Variants in PTPRD observed in about 807,000 individuals in gnomAD.
The protein encoded by PTPRD is protein tyrosine phosphatase receptor type D, also known as receptor-type tyrosine-protein phosphatase delta.
PTPRD carries 34 observed loss-of-function variants against 214.5 expected under a neutral mutation model. The observed-to-expected ratio is 0.16, with a 90% CI of 0.12 to 0.21. PTPRD has a LOEUF of 0.21. Among genes scored for constraint, PTPRD ranks in the 10% least tolerant of loss-of-function variants. The pLI is 1.00. For synonymous variants in PTPRD, 1,128 were observed against 845.7 expected (o/e 1.33, Z -5.79); for missense variants, 2,545 against 2,398.7 (o/e 1.06, Z -1.27).
At chr9:8,962,505 G>C (rs1035687827) in intron 11 of PTPRD, among the ~76,000 whole-genome samples, 4 of 151,042 alleles carry the variant, frequency 2.6e-5, no homozygotes, top group Non-Finnish European at 5.9e-5. Context: ...ACATGGGGGA[G>C]GGAATAAAAA....
At chr9:9,269,648 G>T (rs971490543) in intron 9 of PTPRD, among the ~76,000 whole-genome samples, 8 of 151,300 alleles carry the variant, frequency 5.3e-5, no homozygotes, top group African/African-American at 1.9e-4. Context: ...CGGTGTGTAT[G>T]TGTGTGTATG....
In PTPRD at chr9:9,687,332, T is replaced by C. The variant is rs1241256255; in HGVS notation, c.-287+47201A>G. On this transcript the variant is annotated intron_variant, in intron 7 of 45. Coordinates refer to ENST00000381196, the MANE Select transcript of PTPRD (RefSeq NM_002839.4). ...ACACAGGTGGGAGAAATATCTTGCTTAGATGACAAGATAAGTGGAGCTCCC... is the reference window on the plus strand; with the variant it reads ...ACACAGGTGGGAGAAATATCTTGCTCAGATGACAAGATAAGTGGAGCTCCC... Among the ~76,000 whole-genome samples the C allele has an allele frequency of 2.6e-5, 4 of 151,766 alleles. No homozygotes were observed. The East Asian group carries it at 5.8e-4, about 22-fold the overall frequency.
chr9:8,839,439 C>T (rs1460187768), intron 11 of PTPRD, among the ~76,000 whole-genome samples: 2 of 152,146 alleles, frequency 1.3e-5, no homozygotes, highest in Non-Finnish European at 2.9e-5. Flanking sequence ...ATTCTCCTGC[C>T]TCAGCCACCC....
intron 7 of PTPRD, among the ~76,000 whole-genome samples, chr9:9,639,708 G>A (rs1053469712): frequency 1.3e-4 from 20 of 152,070 alleles, no homozygotes; most frequent in Non-Finnish European, 2.2e-4. Flanking sequence ...ATCTGGTATC[G>A]TTGATACACA....
intron 10 of PTPRD, among the ~76,000 whole-genome samples, chr9:9,022,650 G>A (rs1033928380): frequency 2.0e-5 from 3 of 152,080 alleles, no homozygotes; most frequent in South Asian, 2.1e-4. Context: ...TTCTCAGAAC[G>A]TATTCTTGTT....
At chr9:9,179,500 A>G (rs1407457257) in intron 10 of PTPRD, among the ~76,000 whole-genome samples, 1 of 152,146 alleles carries the variant, frequency 6.6e-6, no homozygotes, top group Non-Finnish European at 1.5e-5. Context: ...AATGCTACGA[A>G]CCACTAGCTG....
chr9:9,150,424 T>C (rs1324397649), intron 10 of PTPRD, among the ~76,000 whole-genome samples: 4 of 147,548 alleles, frequency 2.7e-5, no homozygotes, highest in African/African-American at 9.8e-5. Context: ...TAAAAATACA[T>C]AATATATTAT....
intron 11 of PTPRD, among the ~76,000 whole-genome samples, chr9:8,823,348 T>C (rs1271711801): frequency 6.6e-6 from 1 of 152,180 alleles, no homozygotes; most frequent in Non-Finnish European, 1.5e-5. Flanking sequence ...TCAACAGCAA[T>C]TGTACCTTTG....
At chr9:10,379,743 C>G (rs2097786137) in intron 2 of PTPRD, among the ~76,000 whole-genome samples, 1 of 151,962 alleles carries the variant, frequency 6.6e-6, no homozygotes, top group East Asian at 1.9e-4. Context: ...GTCTTTCTAA[C>G]TTATTTATGA....
chr9:9,091,005 T>TA (rs1465454334), intron 10 of PTPRD: 1 of 1,571,934 alleles, frequency 6.4e-7, no homozygotes, highest in African/African-American at 1.3e-5. Flanking sequence ...ACAAGGCCAT[T>TA]AAGAAATTCG....
At chr9:10,219,588 C>T (rs549718781) in intron 3 of PTPRD, among the ~76,000 whole-genome samples, 175 of 151,928 alleles carry the variant, frequency 1.2e-3, no homozygotes, top group African/African-American at 3.9e-3. Context: ...ATTTGGATAG[C>T]AAAGCTTTTG....
chr9:8,385,038 G>A (rs1564446973), intron 37 of PTPRD, among the ~76,000 whole-genome samples: 3 of 152,170 alleles, frequency 2.0e-5, no homozygotes, highest in Non-Finnish European at 4.4e-5. Flanking sequence ...TAAGTCCTAA[G>A]TCATAGTTCA....
intron 8 of PTPRD, among the ~76,000 whole-genome samples, chr9:9,492,663 A>G (rs1174841684): frequency 6.6e-6 from 1 of 152,006 alleles, no homozygotes; most frequent in Non-Finnish European, 1.5e-5. Context: ...CAACATAATA[A>G]AAGTCACGTA....
chr9:10,465,323 C>T (rs920334120), intron 2 of PTPRD, among the ~76,000 whole-genome samples: 5 of 151,908 alleles, frequency 3.3e-5, no homozygotes, highest in African/African-American at 1.2e-4. Context: ...AGATAACTCC[C>T]CTGCGCAAAA....
At chr9:10,225,265 C>T (rs1594733126) in intron 3 of PTPRD, among the ~76,000 whole-genome samples, 1 of 151,780 alleles carries the variant, frequency 6.6e-6, no homozygotes, top group Admixed American at 6.6e-5. Context: ...CTTATGGTTA[C>T]TATAATCACA....
chr9:9,989,963 C>T lies in PTPRD; in HGVS notation c.-472+43755G>A, dbSNP rs116030458. Among the ~76,000 whole-genome samples the T allele has an allele frequency of 8.3e-3, 1,258 of 152,294 alleles. 9 individuals are homozygous for T. The highest frequency in any genetic ancestry group is 0.028 in the African/African-American group (1,159 of 41,574). On this transcript the variant is annotated intron_variant, in intron 4 of 45. Transcript: ENST00000381196. The stretch of plus-strand genomic sequence containing the variant: ...AAGCAAGCCACCCCTTCACAAGTCC[C>T]GCAAAGGGGTCAAGGGGACTATCCC...
rs564159822 is a variant in PTPRD, at chr9:8,475,612, G to C, written c.3414-4527C>G. On this transcript the variant is annotated intron_variant, in intron 30 of 45. Coordinates refer to ENST00000381196, the MANE Select transcript of PTPRD (RefSeq NM_002839.4). ...TACAAAAGTACCCCCAATTTACTGT[G>C]GTTAAAATAAAAGAAATAATATGCC... Among the ~76,000 whole-genome samples, 6 of 152,242 alleles carry C rather than the reference G, an allele frequency of 3.9e-5. No individual in the cohort carries two copies. In the South Asian group the frequency reaches 1.2e-3, roughly 32 times the overall value.
intron 3 of PTPRD, among the ~76,000 whole-genome samples, chr9:10,074,614 C>T (rs2098099975): frequency 6.6e-6 from 1 of 152,124 alleles, no homozygotes; most frequent in African/African-American, 2.4e-5. Context: ...TCTGATCCCA[C>T]TAAAGCCCAT....
At chr9:9,742,515 G>A (rs376441263) in intron 6 of PTPRD, among the ~76,000 whole-genome samples, 1 of 152,040 alleles carries the variant, frequency 6.6e-6, no homozygotes, top group African/African-American at 2.4e-5. Context: ...AGGAAGAAAA[G>A]GGTACTATTC....
Sources: gnomAD v4.1 joint callset for allele counts (sites outside exome capture counted in the v4.1 genomes callset) on GRCh38, gnomAD v4.1.1 for gene constraint, MANE v1.5 for transcripts, NCBI Gene and HGNC (gene_info 2026-07-23, HGNC 2026-07-21) for gene names.